The following CYBC1 variants were observed in gnomAD, a reference collection of about 807,000 sequenced individuals.
CYBC1 encodes essential for reactive oxygen species protein.
In CYBC1, 22 loss-of-function variants were observed where a neutral mutation model predicts 21.7. That is an observed-to-expected ratio of 1.02 (90% CI 0.73 to 1.45). The LOEUF is 1.45. Among genes scored for constraint, CYBC1 ranks in the 40% most tolerant of loss-of-function variants. The pLI is 0.00. For missense variants in CYBC1, 237 were observed against 242.1 expected (o/e 0.98, Z 0.14); for synonymous variants, 112 against 98.7 (o/e 1.13, Z -0.80).
At chr17:82,445,754 T>C (rs1251794946) in intron 5 of CYBC1, 110 bp downstream of exon 5, 4 of 757,508 alleles carry the variant, frequency 5.3e-6, no homozygotes. Context: ...CAGGTGAGCT[T>C]GGACCAAAGG....
At chr17:82,450,167 A>G (rs2054509824) in intron 1 of CYBC1, 1 of 150,598 alleles carries the variant, frequency 6.6e-6, no homozygotes, top group African/African-American at 2.5e-5. Context: ...CTGTGGTCCT[A>G]GTTATTCAGG....
rs758389308 is a variant in CYBC1 at position 82,444,548 on chromosome 17, C to T, written c.342G>A (p.Glu114=). Reference sequence around the variant, plus strand: ...CTTTCCCGAAGTACCGGACCTTCTCCTCCTCCACGCTCACATCACGGACAT... The same window carrying T: ...CTTTCCCGAAGTACCGGACCTTCTCTTCCTCCACGCTCACATCACGGACAT... The part of the protein sequence containing the change: ...LHDVRDVSVE[E]EKVRYFGKGY... Residue 114 remains glutamate (E), a synonymous_variant, in exon 6 of 7, where the codon GAG becomes GAA. Coordinates refer to ENST00000306645, the MANE Select transcript of CYBC1 (RefSeq NM_001033046.4). 21 of 1,613,546 alleles carry T rather than the reference C, an allele frequency of 1.3e-5. No individual in the cohort carries two copies. Among genetic ancestry groups the T allele is most frequent in the Admixed American group, 1.7e-5 (1 of 59,964 alleles).
rs571435869 is a variant in CYBC1, at chr17:82,442,875, C to T, written c.*1129G>A. 2.6e-4 allele frequency: 101 copies of T among 383,482 alleles called. No individual in the cohort carries two copies. The highest frequency in any genetic ancestry group is 1.7e-3 in the African/African-American group (86 of 49,570). The allele number at this position is 383,482 out of a possible 1,614,324, so 23.8% of individuals were successfully genotyped here. ...ACAGGCCAGGGCATCAGGCCAGGCG[C>T]GCTCGGTGCACACCGCACCTGGGAG... On this transcript the variant is annotated 3_prime_UTR_variant, in exon 7 of 7. Coordinates refer to ENST00000306645, the MANE Select transcript of CYBC1 (RefSeq NM_001033046.4). This position sits in a 1 kb window ranked among gnomAD's most constrained non-coding sequence, Gnocchi z 6.8.
In CYBC1 at chr17:82,442,591, G is replaced by A. The variant is rs1175990561; in HGVS notation, c.*1413C>T. ...AGCAGCACAGGGAGACCCGCTTTGT[G>A]ATCTGCATGTGTGACACTGATTCTT... On this transcript the variant is annotated 3_prime_UTR_variant, in exon 7 of 7. Transcript: ENST00000306645. The surrounding 1 kb of genome is among the most constrained non-coding windows in gnomAD (Gnocchi z 6.8). The A allele has an allele frequency of 6.4e-7, 1 of 1,569,672 alleles. No homozygotes were observed. The highest frequency in any genetic ancestry group is 1.4e-5 in the African/African-American group (1 of 73,970).
intron 4 of CYBC1, among the ~76,000 whole-genome samples, 177 bp from the exon 5 acceptor site, chr17:82,446,137 G>A (rs917203111): frequency 1.3e-5 from 2 of 152,198 alleles, no homozygotes; most frequent in African/African-American, 4.8e-5. Flanking sequence ...GCCGGATATC[G>A]GCAGCCAACC....
At chr17:82,447,136 G>C in intron 3 of CYBC1, 1 of 288,536 alleles carries the variant, frequency 3.5e-6, no homozygotes, top group East Asian at 1.0e-4. Context: ...GGCGGATCAC[G>C]AGGTCAGGAG....
At chr17:82,444,708 A>G in intron 5 of CYBC1, 117 bp from the exon 6 acceptor site, 4 of 1,335,762 alleles carry the variant, frequency 3.0e-6, no homozygotes, top group Non-Finnish European at 4.1e-6. Context: ...CAGCAAAAGC[A>G]TTTGCTGTTT....
chr17:82,447,340 G>C (rs1007835434), intron 3 of CYBC1: 1 of 557,476 alleles, frequency 1.8e-6, no homozygotes, highest in South Asian at 2.0e-5. Context: ...GTGACAGAGC[G>C]AGACTCCGTC....
rs113642012 is a variant in CYBC1 at position 82,443,700 on chromosome 17, G to T, written c.*304C>A. The T allele has an allele frequency of 4.1e-3, 3,163 of 772,040 alleles. 78 individuals carry two copies. In the African/African-American group the frequency reaches 0.049, roughly 12 times the overall value. 47.8% of individuals were successfully genotyped at this position (772,040 alleles called of 1,614,324 possible). On this transcript the variant is annotated 3_prime_UTR_variant, in exon 7 of 7. Coordinates refer to ENST00000306645, the MANE Select transcript of CYBC1 (RefSeq NM_001033046.4). This position sits in a 1 kb window ranked among gnomAD's most constrained non-coding sequence, Gnocchi z 6.7. ...CTGGTCTGGCCTGCTGTTTCATGCA[G>T]TGTGCAAGCAGCAGCATGAGCAGGC...
chr17:82,446,619 T>A lies in CYBC1; in HGVS notation c.201+4A>T, dbSNP rs2054306071. The A allele has an allele frequency of 1.9e-6, 3 of 1,614,052 alleles. No individual in the cohort carries two copies. Among genetic ancestry groups the A allele is most frequent in the Non-Finnish European group, 1.7e-6 (2 of 1,179,960 alleles). On this transcript the variant is annotated splice_donor_region_variant and intron_variant, in intron 4 of 6. Coordinates refer to ENST00000306645, the MANE Select transcript of CYBC1 (RefSeq NM_001033046.4). ...ACTCTGTCCCGCACCCGAGCCGGCCTTACCTCCCAGTCCTCCAAGTTCTGC... is the reference window on the plus strand; with the variant it reads ...ACTCTGTCCCGCACCCGAGCCGGCCATACCTCCCAGTCCTCCAAGTTCTGC...
chr17:82,445,440 T>C, intron 5 of CYBC1: 1 of 171,488 alleles, frequency 5.8e-6, no homozygotes, highest in Non-Finnish European at 1.3e-5. Context: ...GCCATGGCTC[T>C]CCCTGCCCCG....
In CYBC1 at chr17:82,446,921, G is replaced by A. The variant is rs561164088; in HGVS notation, c.128-225C>T. The A allele has an allele frequency of 2.9e-4, 169 of 585,014 alleles. 1 individual carries two copies. The highest frequency in any genetic ancestry group is 2.2e-3 in the Middle Eastern group (5 of 2,224). The allele number at this position is 585,014 out of a possible 1,614,324, so 36.2% of individuals were successfully genotyped here. The stretch of plus-strand genomic sequence containing the variant: ...TCCACGTGAGAGAGGCAGGTGGGGC[G>A]CACAGGGCCTCTGCCCGTCTGGGCA... On this transcript the variant is annotated intron_variant, in intron 3 of 6. Coordinates refer to ENST00000306645, the MANE Select transcript of CYBC1 (RefSeq NM_001033046.4).
Position 82,443,204 on chromosome 17 carries a change from C to A in CYBC1, c.*800G>T. Reference sequence around the variant, plus strand: ...GGGATTACTGGCATGAACCACTGCGCCCGGCTGGAGCTCCCGGTTTTTAAG... The same window carrying A: ...GGGATTACTGGCATGAACCACTGCGACCGGCTGGAGCTCCCGGTTTTTAAG... On this transcript the variant is annotated 3_prime_UTR_variant, in exon 7 of 7. Coordinates refer to ENST00000306645, the MANE Select transcript of CYBC1 (RefSeq NM_001033046.4). The surrounding 1 kb of genome is among the most constrained non-coding windows in gnomAD (Gnocchi z 6.7). The A allele has an allele frequency of 1.3e-5, 4 of 305,584 alleles. No individual in the cohort carries two copies. Among genetic ancestry groups the A allele is most frequent in the South Asian group, 1.2e-4 (4 of 34,018 alleles). The allele number at this position is 305,584 out of a possible 1,614,324, so 18.9% of individuals were successfully genotyped here.
At position 82,443,974 on chromosome 17, in the gene CYBC1, C is replaced by T. The variant is rs367737602; in HGVS notation, c.*30G>A. 1.9e-5 allele frequency: 30 copies of T among 1,608,510 alleles called. No homozygotes were observed. Among genetic ancestry groups the T allele is most frequent in the African/African-American group, 9.4e-5 (7 of 74,834 alleles). ...GGGAATGTGCCATGGGTCCTGTGGG[C>T]GGTGCACGGGCTCAGGCACAGTGGG... On this transcript the variant is annotated 3_prime_UTR_variant, in exon 7 of 7. Coordinates refer to ENST00000306645, the MANE Select transcript of CYBC1 (RefSeq NM_001033046.4). This position sits in a 1 kb window ranked among gnomAD's most constrained non-coding sequence, Gnocchi z 6.7.
intron 5 of CYBC1, chr17:82,444,834 G>A: frequency 1.9e-6 from 1 of 516,338 alleles, no homozygotes; most frequent in Non-Finnish European, 3.5e-6. Flanking sequence ...ACAGCCCGCT[G>A]GTTCTCCTGG....
chr17:82,445,715 G>A (rs2054242013), intron 5 of CYBC1, 149 bp downstream of exon 5: 1 of 595,658 alleles, frequency 1.7e-6, no homozygotes, highest in Non-Finnish European at 3.0e-6. Flanking sequence ...CCTGCTTCCA[G>A]CGGGCAGGAC....
chr17:82,449,644 T>C (rs1180381261), intron 1 of CYBC1: 2 of 200,836 alleles, frequency 1.0e-5, no homozygotes, highest in Non-Finnish European at 2.0e-5. Context: ...GCTTCTAGCA[T>C]CTGTGGGCAC....
In CYBC1 at chr17:82,449,576, G is replaced by A. The variant is rs903289788; in HGVS notation, c.-38-284C>T. 3.5e-5 allele frequency: 11 copies of A among 318,380 alleles called. No individual in the cohort carries two copies. The East Asian group carries it at 4.6e-4, about 13-fold the overall frequency. The allele number at this position is 318,380 out of a possible 1,614,324, so 19.7% of individuals were successfully genotyped here. A position where few individuals can be genotyped will look rare whatever the true frequency, so the allele number is the denominator to read the frequency against. On this transcript the variant is annotated intron_variant, in intron 1 of 6. Transcript: ENST00000306645. The stretch of plus-strand genomic sequence containing the variant: ...ACGAGCTACAGCTGCATCACCACCT[G>A]CCCCGTCCTGTCTGGAAACCTTATG...
chr17:82,449,131 CG>C, intron 2 of CYBC1, 38 bp downstream of exon 2: 1 of 1,450,112 alleles, frequency 6.9e-7, no homozygotes, highest in Non-Finnish European at 9.3e-7. Flanking sequence ...GTCAGGCTTC[CG>C]GTTCTGGGGT....
Sources: gnomAD v4.1 joint callset for allele counts (sites outside exome capture counted in the v4.1 genomes callset) on GRCh38, gnomAD v4.1.1 for gene constraint, Gnocchi (gnomAD v3.1) non-coding constraint, MANE v1.5 for transcripts, NCBI Gene and HGNC (gene_info 2026-07-23, HGNC 2026-07-21) for gene names.